The following CDH18 variants were observed in gnomAD, a reference collection of about 807,000 sequenced individuals.
CDH18 encodes cadherin 18, also known as cadherin-18.
In CDH18, 31 loss-of-function variants were observed where a neutral mutation model predicts 67.9. The ratio of observed to expected loss-of-function variants is 0.46; its 90% CI spans 0.34 to 0.62. The LOEUF (loss-of-function observed/expected upper bound fraction) is 0.62, where lower values mean the gene tolerates loss of function less well. Ranked by LOEUF, CDH18 falls within the 20% of genes least tolerant of loss-of-function variation. The probability of loss-of-function intolerance (pLI) is 0.01; values close to 1 mark genes in which losing one functional copy is unlikely to be tolerated. For missense variants in CDH18, 890 were observed against 975.5 expected (o/e 0.91, Z 1.17); for synonymous variants, 362 against 347.2 (o/e 1.04, Z -0.48).
In CDH18 at chr5:19,981,061, T is replaced by C. The variant is rs1371616762; in HGVS notation, c.-258A>G. 2 of 152,162 alleles carry C rather than the reference T, an allele frequency of 1.3e-5. No individual in the cohort carries two copies. The highest frequency in any genetic ancestry group is 2.9e-5 in the Non-Finnish European group (2 of 68,044). 9.4% of individuals were successfully genotyped at this position (152,162 alleles called of 1,614,324 possible). A position where few individuals can be genotyped will look rare whatever the true frequency, so the allele number is the denominator to read the frequency against. ...TTCATGATAAATACAGAATCAAACCTTTTCTCTCAATCTCCACTGCTGTCA... is the reference window on the plus strand; with the variant it reads ...TTCATGATAAATACAGAATCAAACCCTTTCTCTCAATCTCCACTGCTGTCA... On this transcript the variant is annotated splice_region_variant and 5_prime_UTR_variant, in exon 2 of 13. Coordinates refer to ENST00000382275, the MANE Select transcript of CDH18 (RefSeq NM_004934.5).
chr5:20,528,208 GCTAA>G (rs1295766360), intron 1 of CDH18, among the ~76,000 whole-genome samples: 1 of 152,038 alleles, frequency 6.6e-6, no homozygotes, highest in Non-Finnish European at 1.5e-5. Context: ...AACATGAAGA[GCTAA>G]CTATCCTAAA....
intron 8 of CDH18, among the ~76,000 whole-genome samples, chr5:19,550,748 G>C (rs1247740753): frequency 6.6e-6 from 1 of 152,146 alleles, no homozygotes; most frequent in Non-Finnish European, 1.5e-5. Flanking sequence ...CTTTATAGCA[G>C]CATGATTTAT....
At chr5:19,801,091 A>C (rs1385505087) in intron 3 of CDH18, among the ~76,000 whole-genome samples, 1 of 152,154 alleles carries the variant, frequency 6.6e-6, no homozygotes, top group Non-Finnish European at 1.5e-5. Context: ...CAGCCTGGGC[A>C]ACAAAATGAC....
chr5:19,662,157 A>G (rs1757272192), intron 5 of CDH18, among the ~76,000 whole-genome samples: 1 of 151,088 alleles, frequency 6.6e-6, no homozygotes, highest in South Asian at 2.1e-4. Context: ...TTTTTTTTAA[A>G]CAGCGTATAT....
At chr5:19,521,974 T>C (rs1241516842) in intron 9 of CDH18, among the ~76,000 whole-genome samples, 3 of 152,094 alleles carry the variant, frequency 2.0e-5, no homozygotes, top group Non-Finnish European at 2.9e-5. Context: ...TCACGACACA[T>C]ATTAAGTGTC....
At chr5:20,116,564 A>C (rs1747927838) in intron 2 of CDH18, among the ~76,000 whole-genome samples, 1 of 152,168 alleles carries the variant, frequency 6.6e-6, no homozygotes, top group Admixed American at 6.6e-5. Flanking sequence ...TATGAAACTA[A>C]GAAAGGATAG....
intron 1 of CDH18, among the ~76,000 whole-genome samples, chr5:20,441,656 T>C (rs955297219): frequency 4.6e-5 from 7 of 151,992 alleles, no homozygotes; most frequent in African/African-American, 1.5e-4. Flanking sequence ...GTTAATTCCT[T>C]CCTCAGTTGA....
chr5:20,095,231 G>A (rs938895346), intron 2 of CDH18, among the ~76,000 whole-genome samples: 1 of 149,676 alleles, frequency 6.7e-6, no homozygotes, highest in East Asian at 2.0e-4. Context: ...TGCAGCAAAC[G>A]ACCATGACAC....
intron 1 of CDH18, among the ~76,000 whole-genome samples, chr5:20,431,650 G>A (rs1350012247): frequency 6.6e-6 from 1 of 152,060 alleles, no homozygotes; most frequent in Non-Finnish European, 1.5e-5. Context: ...CCCAAATAAG[G>A]TAGATGCCTT....
intron 5 of CDH18, among the ~76,000 whole-genome samples, chr5:19,707,759 A>C (rs1017477279): frequency 1.3e-5 from 2 of 152,272 alleles, no homozygotes; most frequent in Non-Finnish European, 2.9e-5. Context: ...CACATCAAAA[A>C]CCTATTTGTA....
At position 20,067,161 on chromosome 5, in the gene CDH18, GC is replaced by G. The variant is rs1303562554; in HGVS notation, c.-517-75148del. ...TATGTGGTTTATATGCAAATACTTT[GC>G]CATTTTATATCAGTGACTTGAGCGT... On this transcript the variant is annotated intron_variant, in intron 2 of 14. Transcript: ENST00000507958. Among the ~76,000 whole-genome samples, 17 of 151,820 alleles carry G rather than the reference GC, an allele frequency of 1.1e-4. 1 individual carries two copies. Among genetic ancestry groups the G allele is most frequent in the African/African-American group, 3.9e-4 (16 of 41,448 alleles).
chr5:20,304,700 C>G (rs1736267297), intron 1 of CDH18: 1 of 1,611,574 alleles, frequency 6.2e-7, no homozygotes, highest in Non-Finnish European at 8.5e-7. Flanking sequence ...GTCAGCTCCA[C>G]CTTCTTGTCA....
At chr5:19,868,236 C>T (rs1447882526) in intron 2 of CDH18, among the ~76,000 whole-genome samples, 1 of 152,054 alleles carries the variant, frequency 6.6e-6, no homozygotes, top group Non-Finnish European at 1.5e-5. Context: ...TGATTACCTG[C>T]AAAGTTTCCT....
rs1267928786 is a variant in CDH18, at chr5:19,789,959, CAAGTA to C, written c.229-42728_229-42724del. Among the ~76,000 whole-genome samples, 6 of 151,776 alleles carry C rather than the reference CAAGTA, an allele frequency of 4.0e-5. No homozygotes were observed. In the South Asian group the frequency reaches 1.2e-3, roughly 31 times the overall value. ...ATAATATATACAGTTTTATATATCA[CAAGTA>C]AACATAATTACCATCGTTATTATTC... On this transcript the variant is annotated intron_variant, in intron 3 of 12. Transcript: ENST00000382275.
chr5:20,347,067 G>A (rs1445231583), intron 1 of CDH18, among the ~76,000 whole-genome samples: 1 of 152,100 alleles, frequency 6.6e-6, no homozygotes, highest in Non-Finnish European at 1.5e-5. Context: ...TTGTTAAGGG[G>A]TGCTAAGACC....
chr5:20,256,597 G>A (rs934519465), intron 1 of CDH18, among the ~76,000 whole-genome samples: 1 of 152,036 alleles, frequency 6.6e-6, no homozygotes, highest in Admixed American at 6.6e-5. Flanking sequence ...AATGCTGGGA[G>A]GGGTGGACGA....
At chr5:20,038,582 A>G (rs958026731) in intron 2 of CDH18, among the ~76,000 whole-genome samples, 1 of 152,276 alleles carries the variant, frequency 6.6e-6, no homozygotes, top group South Asian at 2.1e-4. Flanking sequence ...AAACAACCCA[A>G]TGACAAAAGC....
intron 2 of CDH18, among the ~76,000 whole-genome samples, chr5:19,951,089 T>C (rs1302499231): frequency 6.6e-6 from 1 of 152,184 alleles, no homozygotes; most frequent in Non-Finnish European, 1.5e-5. Context: ...AACTTCAGTG[T>C]CAGTTCCATT....
At chr5:19,771,587 C>A (rs1773738923) in intron 3 of CDH18, among the ~76,000 whole-genome samples, 1 of 152,212 alleles carries the variant, frequency 6.6e-6, no homozygotes, top group Admixed American at 6.5e-5. Flanking sequence ...CAGAGGCACT[C>A]AGCTAAGCCA....
Sources: allele counts gnomAD v4.1 joint callset (sites outside exome capture counted in the v4.1 genomes callset), GRCh38; gene constraint gnomAD v4.1.1; transcripts MANE v1.5; gene names NCBI Gene and HGNC (gene_info 2026-07-23, HGNC 2026-07-21).